SEC24A: variants seen among roughly 807,000 people sequenced by gnomAD.
SEC24A encodes protein transport protein Sec24A.
SEC24A carries 93 observed loss-of-function variants against 129.4 expected under a neutral mutation model. That is an observed-to-expected ratio of 0.72 (90% confidence interval 0.61 to 0.85). The LOEUF (loss-of-function observed/expected upper bound fraction) is 0.85. Ranked by LOEUF, SEC24A falls within the 40% of genes least tolerant of loss-of-function variation. The pLI, the probability that SEC24A is intolerant of heterozygous loss-of-function variation, is 0.00. For missense variants in SEC24A, 1,264 were observed against 1,307.4 expected, an observed-to-expected ratio of 0.97 and a Z score of 0.51; for synonymous variants, 460 against 467.3, an observed-to-expected ratio of 0.98 and a Z score of 0.20.
intron 2 of SEC24A, among the ~76,000 whole-genome samples, chr5:134,662,407 A>G (rs781599980): frequency 7.3e-5 from 11 of 151,180 alleles, no homozygotes; most frequent in Admixed American, 4.6e-4. Context: ...GCCCGCCTTG[A>G]CCTCCCAAAG....
intron 4 of SEC24A, among the ~76,000 whole-genome samples, chr5:134,674,116 G>C (rs1206779010): frequency 6.6e-6 from 1 of 152,104 alleles, no homozygotes; most frequent in Non-Finnish European, 1.5e-5. Context: ...CTGGGCGACA[G>C]AGTGAGACTC....
At chr5:134,705,696 G>A (rs1752140816) in intron 17 of SEC24A, among the ~76,000 whole-genome samples, 1 of 151,974 alleles carries the variant, frequency 6.6e-6, no homozygotes, top group African/African-American at 2.4e-5. Flanking sequence ...TGTTTTTAGT[G>A]TTTTTACAGA....
chr5:134,697,330 AAG>A, intron 14 of SEC24A, 84 bp downstream of exon 14: 1 of 1,144,476 alleles, frequency 8.7e-7, no homozygotes, highest in Non-Finnish European at 1.2e-6. Flanking sequence ...ATATAGAACA[AAG>A]TTAAAGAATA....
At chr5:134,699,236 CTT>C (rs959770044) in intron 15 of SEC24A, among the ~76,000 whole-genome samples, 3 of 150,488 alleles carry the variant, frequency 2.0e-5, no homozygotes, top group Non-Finnish European at 1.5e-5. Context: ...AGCCACAGAT[CTT>C]GCTTTTAAAC....
chr5:134,694,196 G>T (rs957213286), intron 13 of SEC24A, among the ~76,000 whole-genome samples: 22 of 152,274 alleles, frequency 1.4e-4, no homozygotes, highest in African/African-American at 4.8e-4. Flanking sequence ...GAATATGCTT[G>T]ATAGGGACAA....
In SEC24A at chr5:134,703,750, C is replaced by G; in HGVS notation, c.2267-9C>G. The G allele has an allele frequency of 1.3e-6, 2 of 1,585,180 alleles. No homozygotes were observed. Among genetic ancestry groups the G allele is most frequent in the Non-Finnish European group, 1.7e-6 (2 of 1,157,334 alleles). ...ATAAAAATAATTTTGTTACCTTTTTCTCTTCTAGGTCTTTCCATTCATACT... is the reference window on the plus strand; with the variant it reads ...ATAAAAATAATTTTGTTACCTTTTTGTCTTCTAGGTCTTTCCATTCATACT... On this transcript the variant is annotated splice_polypyrimidine_tract_variant and intron_variant, in intron 15 of 22. Transcript: ENST00000398844.
chr5:134,663,759 A>G (rs1750554992), intron 2 of SEC24A, among the ~76,000 whole-genome samples: 1 of 152,144 alleles, frequency 6.6e-6, no homozygotes, highest in Admixed American at 6.6e-5. Flanking sequence ...TTCTTTAGCT[A>G]TAATAGAAAC....
chr5:134,715,046 A>C lies in SEC24A; in HGVS notation c.2750A>C (p.Asn917Thr), dbSNP rs1235980575. 1 of 1,613,192 alleles carries C rather than the reference A, an allele frequency of 6.2e-7. No individual in the cohort carries two copies. Residue 917 changes from asparagine to threonine, a missense_variant, in exon 19 of 23, where the codon AAT (asparagine) becomes ACT (threonine). Physicochemically the swap from Asn to Thr is moderately conservative, Grantham distance 65 (BLOSUM62 0). Transcript: ENST00000398844. ...LKQKSFQTGT[N>T]ARLDERIFAM... is the part of the protein sequence containing the mutation. The stretch of plus-strand genomic sequence containing the variant: ...CAGAAATCATTCCAGACTGGGACAA[A>C]TGCACGTCTAGATGAACGCATTTTT...
chr5:134,688,410 A>T (rs1031899531), intron 11 of SEC24A, 111 bp downstream of exon 11: 1 of 679,660 alleles, frequency 1.5e-6, no homozygotes, highest in Admixed American at 2.8e-5. Context: ...AATCTTGAGT[A>T]TAAAATCATG....
At position 134,708,783 on chromosome 5, in the gene SEC24A, C is replaced by A. The variant is rs765292008; in HGVS notation, c.2622C>A (p.Ser874=). Residue 874 remains serine, a synonymous_variant, in exon 18 of 23, where the codon TCC becomes TCA. Transcript: ENST00000398844. ...CTCTAGTGAATGCAGTCATTGACTC[C>A]CTTTCAGCTTACCGTTCTTCAGTCT... is the stretch of plus-strand genomic sequence containing the variant. ...RDALVNAVID[S]LSAYRSSVLS... is the part of the protein sequence containing the mutation. 2.5e-6 allele frequency: 4 copies of A among 1,614,030 alleles called. No homozygotes were observed. The African/African-American group carries it at 4.0e-5, about 16-fold the overall frequency.
chr5:134,693,263 A>G (rs1751718578), intron 12 of SEC24A: 1 of 1,452,056 alleles, frequency 6.9e-7, no homozygotes. Flanking sequence ...CTCTATTTGT[A>G]CAACCTAACC....
At chr5:134,670,256 A>G (rs1186705072) in intron 3 of SEC24A, among the ~76,000 whole-genome samples, 1 of 152,144 alleles carries the variant, frequency 6.6e-6, no homozygotes, top group Non-Finnish European at 1.5e-5. Flanking sequence ...AATAATTCAC[A>G]ATATGCCCAG....
At chr5:134,649,245 G>A in intron 1 of SEC24A, 72 bp downstream of exon 1, 2 of 1,158,310 alleles carry the variant, frequency 1.7e-6, no homozygotes, top group Non-Finnish European at 1.2e-6. Flanking sequence ...TGCTGCTTGA[G>A]GCGACATAGA....
intron 18 of SEC24A, among the ~76,000 whole-genome samples, chr5:134,711,387 A>G (rs1752320172): frequency 6.6e-6 from 1 of 151,822 alleles, no homozygotes; most frequent in South Asian, 2.1e-4. Context: ...GAACTGTTCA[A>G]GGACTGCTGG....
chr5:134,659,660 T>C (rs1227719373), intron 1 of SEC24A, among the ~76,000 whole-genome samples: 5 of 150,746 alleles, frequency 3.3e-5, no homozygotes, highest in African/African-American at 4.9e-5. Context: ...TTTTTTTTTT[T>C]TTTTTGAGAC....
chr5:134,695,267 G>A (rs563453857), intron 13 of SEC24A, among the ~76,000 whole-genome samples: 1 of 152,140 alleles, frequency 6.6e-6, no homozygotes, highest in South Asian at 2.1e-4. Context: ...AGCTACTCTG[G>A]AGGCTGAGGT....
At chr5:134,670,980 C>T (rs953894925) in intron 3 of SEC24A, among the ~76,000 whole-genome samples, 1 of 151,778 alleles carries the variant, frequency 6.6e-6, no homozygotes, top group African/African-American at 2.4e-5. Flanking sequence ...CAGAGTGAGA[C>T]TCCATCTCAA....
intron 4 of SEC24A, among the ~76,000 whole-genome samples, chr5:134,672,761 A>T (rs1455666513): frequency 6.7e-6 from 1 of 149,848 alleles, no homozygotes; most frequent in Non-Finnish European, 1.5e-5. Context: ...TTTTTTTGAG[A>T]CAGGGTCTCT....
At chr5:134,713,784 A>T (rs958777602) in intron 18 of SEC24A, among the ~76,000 whole-genome samples, 1 of 151,800 alleles carries the variant, frequency 6.6e-6, no homozygotes, top group Non-Finnish European at 1.5e-5. Context: ...TAATCCCAGC[A>T]CTTTGGGAGG....
Sources: gnomAD v4.1 joint callset for allele counts (sites outside exome capture counted in the v4.1 genomes callset) on GRCh38, gnomAD v4.1.1 for gene constraint, MANE v1.5 for transcripts, NCBI Gene and HGNC (gene_info 2026-07-23, HGNC 2026-07-21) for gene names.